Variants in NMI observed in about 807,000 individuals in gnomAD.
The protein encoded by NMI is N-myc and STAT interactor.
NMI carries 39 observed loss-of-function variants against 34.3 expected under a neutral mutation model. That is an observed-to-expected ratio of 1.14 (90% confidence interval 0.88 to 1.49). The LOEUF is 1.49. Among genes scored for constraint, NMI ranks in the 40% most tolerant of loss-of-function variants. The pLI is 0.00. For missense variants in NMI, 339 were observed against 358.1 expected, an observed-to-expected ratio of 0.95 and a Z score of 0.43; for synonymous variants, 113 against 120.3, an observed-to-expected ratio of 0.94 and a Z score of 0.40.
At chr2:151,272,587 A>G (rs1169264685) in intron 6 of NMI, among the ~76,000 whole-genome samples, 2 of 152,220 alleles carry the variant, frequency 1.3e-5, no homozygotes, top group African/African-American at 4.8e-5. Flanking sequence ...TACCCGAAAC[A>G]ACTGAAAGCA....
intron 1 of NMI, 101 bp downstream of exon 1, chr2:151,289,492 C>G (rs1183404333): frequency 6.6e-6 from 1 of 152,208 alleles, no homozygotes; most frequent in Non-Finnish European, 1.5e-5. Context: ...GTCCCACTTC[C>G]GTCGGCGCTG....
At chr2:151,282,828 T>C (rs774662158) in intron 2 of NMI, 40 bp downstream of exon 2, 1 of 1,053,360 alleles carries the variant, frequency 9.5e-7, no homozygotes, top group Non-Finnish European at 1.4e-6. Context: ...CTAATAGATA[T>C]AAAATAATTT....
rs959620393 is a variant in NMI, at chr2:151,286,604, C to T, written c.-7+2989G>A. On this transcript the variant is annotated intron_variant, in intron 1 of 7. Coordinates refer to ENST00000243346, the MANE Select transcript of NMI (RefSeq NM_004688.3). ...CTATCTGCCTAAATGTGGGACCTGC[C>T]AGAAAACAGAACAATTACCTCTAGT... 1.5e-4 allele frequency among the ~76,000 whole-genome samples: 20 copies of T among 132,972 alleles called. No homozygotes were observed. In the Admixed American group the frequency reaches 1.7e-3, roughly 11 times the overall value. The allele number at this position is 132,972 out of a possible 152,430, so 87.2% of individuals were successfully genotyped here.
intron 4 of NMI, among the ~76,000 whole-genome samples, chr2:151,277,029 G>T (rs1424397088): frequency 6.6e-6 from 1 of 152,178 alleles, no homozygotes; most frequent in Non-Finnish European, 1.5e-5. Context: ...TACTGCAGTT[G>T]TTGATATTTG....
intron 3 of NMI, among the ~76,000 whole-genome samples, chr2:151,281,403 T>C (rs963887114): frequency 1.3e-5 from 2 of 152,234 alleles, no homozygotes; most frequent in Non-Finnish European, 2.9e-5. Flanking sequence ...TATTAATTTT[T>C]TGTTTTTGTA....
intron 1 of NMI, among the ~76,000 whole-genome samples, chr2:151,285,482 G>T (rs1683479314): frequency 6.6e-6 from 1 of 151,918 alleles, no homozygotes; most frequent in Non-Finnish European, 1.5e-5. Context: ...TAGCTACTCG[G>T]GAGGCTGAGG....
chr2:151,275,535 C>G lies in NMI; in HGVS notation c.583G>C (p.Asp195His). ...RNGGGEVDRV[D>H]YDRQSGSAVI... ...GCACTCCCGGACTGTCTGTCATAGT[C>G]CACGCGGTCCACCTCTCCGCCTCCA... is the stretch of plus-strand genomic sequence containing the variant. The change falls in exon 6 of 8, where the codon GAC becomes CAC. Residue 195 changes from aspartate (D) to histidine (H), a missense_variant. By Grantham distance (81) the Asp-to-His change is moderately conservative. Transcript: ENST00000243346. 1 of 1,614,172 alleles carries G rather than the reference C, an allele frequency of 6.2e-7. No individual in the cohort carries two copies. Among genetic ancestry groups the G allele is most frequent in the East Asian group, 2.2e-5 (1 of 44,890 alleles).
intron 1 of NMI, among the ~76,000 whole-genome samples, chr2:151,287,636 T>C (rs535774697): frequency 6.6e-6 from 1 of 152,288 alleles, no homozygotes; most frequent in South Asian, 2.1e-4. Flanking sequence ...CGAAGCCTTT[T>C]CTGATTCCCC....
At chr2:151,280,902 G>A (rs1217313177) in intron 3 of NMI, among the ~76,000 whole-genome samples, 3 of 151,914 alleles carry the variant, frequency 2.0e-5, no homozygotes, top group African/African-American at 7.3e-5. Context: ...GAGCACAGTG[G>A]TGTGATCTCA....
intron 3 of NMI, among the ~76,000 whole-genome samples, chr2:151,281,609 C>T (rs1412313082): frequency 6.6e-6 from 1 of 152,134 alleles, no homozygotes; most frequent in African/African-American, 2.4e-5. Flanking sequence ...CTTCAAACAT[C>T]CTGCTTTTGC....
intron 6 of NMI, among the ~76,000 whole-genome samples, chr2:151,273,179 C>T (rs900583988): frequency 6.6e-6 from 1 of 150,860 alleles, no homozygotes; most frequent in Non-Finnish European, 1.5e-5. Context: ...AGCTCTGCTA[C>T]TTATGAGCTA....
In NMI at chr2:151,271,693, T is replaced by C. The variant is rs142302878; in HGVS notation, c.674A>G (p.Tyr225Cys). The change falls in exon 7 of 8, where the codon TAT (tyrosine) becomes TGT (cysteine). Residue 225 changes from tyrosine (Y) to cysteine (C), a missense_variant. Tyr to Cys is a radical substitution (Grantham distance 194). Coordinates refer to ENST00000243346, the MANE Select transcript of NMI (RefSeq NM_004688.3). ...AACTCTATGGCAGGTTTGATTTATA[T>C]AAAGAGGGTATTCTTTCTTTTTCAA... ...KILKKKEYPL[Y>C]INQTCHRVTV... 7.6e-6 allele frequency: 12 copies of C among 1,582,936 alleles called. No individual in the cohort carries two copies. The African/African-American group carries it at 1.1e-4, about 14-fold the overall frequency.
At chr2:151,287,227 T>A (rs1683515058) in intron 1 of NMI, among the ~76,000 whole-genome samples, 1 of 152,036 alleles carries the variant, frequency 6.6e-6, no homozygotes, top group Admixed American at 6.6e-5. Context: ...TGTTTTACTG[T>A]ACTTGCAACT....
chr2:151,282,552 G>A (rs112293167), intron 2 of NMI, among the ~76,000 whole-genome samples: 1,640 of 152,270 alleles, frequency 0.011, 33 homozygotes, highest in African/African-American at 0.036. Flanking sequence ...AGTGGTTTAA[G>A]CTACCTGGGC....
chr2:151,273,684 G>A (rs527639920), intron 6 of NMI, among the ~76,000 whole-genome samples: 8 of 152,118 alleles, frequency 5.3e-5, no homozygotes, highest in Admixed American at 3.9e-4. Flanking sequence ...CAGCACATCC[G>A]CTAATTTTTG....
intron 1 of NMI, among the ~76,000 whole-genome samples, chr2:151,286,581 A>G (rs1419127901): frequency 6.6e-6 from 1 of 151,732 alleles, no homozygotes; most frequent in African/African-American, 2.4e-5. Flanking sequence ...ATGTTCTCCT[A>G]TCTGCCTAAA....
chr2:151,275,945 C>T, intron 4 of NMI, 81 bp from the exon 5 acceptor site: 1 of 939,610 alleles, frequency 1.1e-6, no homozygotes. Context: ...ACAAATTATC[C>T]TGAATATTTT....
chr2:151,271,255 G>A (rs1683182563), intron 7 of NMI, among the ~76,000 whole-genome samples: 1 of 152,186 alleles, frequency 6.6e-6, no homozygotes, highest in African/African-American at 2.4e-5. Flanking sequence ...ACCTGAGAAG[G>A]AAGAGGAAAA....
At chr2:151,281,698 T>C (rs923035722) in intron 3 of NMI, among the ~76,000 whole-genome samples, 1 of 152,212 alleles carries the variant, frequency 6.6e-6, no homozygotes, top group African/African-American at 2.4e-5. Context: ...CTCATTTGTG[T>C]TGCTGCATGT....
Sources: gnomAD v4.1 joint callset for allele counts (sites outside exome capture counted in the v4.1 genomes callset) on GRCh38, gnomAD v4.1.1 for gene constraint, MANE v1.5 for transcripts, NCBI Gene and HGNC (gene_info 2026-07-23, HGNC 2026-07-21) for gene names.